Variants in PDZD2 observed in about 807,000 individuals in gnomAD.
PDZD2 encodes PDZ domain-containing protein 2.
In PDZD2, 90 loss-of-function variants were observed where a neutral mutation model predicts 220.7. That is an observed-to-expected ratio of 0.41 (90% CI 0.34 to 0.49). The LOEUF is 0.49. PDZD2 is among the 20% of genes least tolerant of loss of function. The pLI, the probability that PDZD2 is intolerant of heterozygous loss-of-function variation, is 0.28. For synonymous variants in PDZD2, 1,375 were observed against 1,450.5 expected, an observed-to-expected ratio of 0.95 and a Z score of 1.18; for missense variants, 3,174 against 3,608.5, an observed-to-expected ratio of 0.88 and a Z score of 3.08.
chr5:32,072,414 C>G (rs1276651741), intron 17 of PDZD2, 97 bp downstream of exon 17: 3 of 971,244 alleles, frequency 3.1e-6, no homozygotes, highest in South Asian at 3.4e-5. Context: ...TTTAGCTACC[C>G]TGGCGCTGTA....
chr5:31,966,461 C>T (rs1748769828), intron 2 of PDZD2, among the ~76,000 whole-genome samples: 1 of 152,162 alleles, frequency 6.6e-6, no homozygotes, highest in African/African-American at 2.4e-5. Flanking sequence ...AATTAAATCC[C>T]AGTAGATAAA....
rs1392610135 is a variant in PDZD2 at position 32,088,055 on chromosome 5, C to G, written c.4607C>G (p.Ser1536Cys). The G allele has an allele frequency of 1.2e-6, 2 of 1,614,068 alleles. No homozygotes were observed. Among genetic ancestry groups the G allele is most frequent in the African/African-American group, 1.3e-5 (1 of 75,052 alleles). The part of the protein sequence containing the change: ...NFSSFHEDST[S>C]LSGLGDSTEP... ...AGCAGTTTTCATGAAGACAGCACCT[C>G]CCTATCAGGCCTGGGTGACAGCACG... The change falls in exon 20 of 25, where the codon TCC becomes TGC. Residue 1536 changes from serine (S) to cysteine (C), a missense_variant. By Grantham distance (112) the Ser-to-Cys change is moderately radical. Transcript: ENST00000438447. This position sits in a 1 kb window ranked among gnomAD's most constrained non-coding sequence, Gnocchi z 4.6.
chr5:31,976,944 C>A (rs538780740), intron 2 of PDZD2, among the ~76,000 whole-genome samples: 1 of 151,662 alleles, frequency 6.6e-6, no homozygotes, highest in African/African-American at 2.4e-5. Flanking sequence ...TCTCGAACTC[C>A]TGACCCCATG....
chr5:31,834,784 A>C (rs1756848792), intron 2 of PDZD2, among the ~76,000 whole-genome samples: 1 of 152,034 alleles, frequency 6.6e-6, no homozygotes, highest in Non-Finnish European at 1.5e-5. Flanking sequence ...ACCTAATGCA[A>C]ATGACAAGTT....
At chr5:31,757,578 C>T (rs1240860315) in intron 1 of PDZD2, among the ~76,000 whole-genome samples, 7 of 149,840 alleles carry the variant, frequency 4.7e-5, no homozygotes, top group South Asian at 2.1e-4. Flanking sequence ...GGAGACAGAG[C>T]GAGACTCTGC....
chr5:31,804,311 T>C lies in PDZD2; in HGVS notation c.476+4587T>C, dbSNP rs141748305. On this transcript the variant is annotated intron_variant, in intron 2 of 24. Transcript: ENST00000438447. Reference sequence around the variant, plus strand: ...GGTCTTCATGAAAGAGAGCTTGAAATTGAATCAAGTAATGAGGCAAGGAAT... The same window carrying C: ...GGTCTTCATGAAAGAGAGCTTGAAACTGAATCAAGTAATGAGGCAAGGAAT... Among the ~76,000 whole-genome samples the C allele has an allele frequency of 1.9e-4, 29 of 152,260 alleles. No homozygotes were observed. The East Asian group carries it at 5.4e-3, about 28-fold the overall frequency.
chr5:31,972,061 C>A (rs1749346997), intron 2 of PDZD2, among the ~76,000 whole-genome samples: 1 of 152,184 alleles, frequency 6.6e-6, no homozygotes, highest in African/African-American at 2.4e-5. Context: ...ACTCTAACTG[C>A]AGAATTTAAA....
rs556621564 is a variant in PDZD2 at position 32,098,871 on chromosome 5, A to G, written c.8218+237A>G. Among the ~76,000 whole-genome samples the G allele has an allele frequency of 6.6e-6, 1 of 152,340 alleles. No individual in the cohort carries two copies. Among genetic ancestry groups the G allele is most frequent in the African/African-American group, 2.4e-5 (1 of 41,594 alleles). On this transcript the variant is annotated intron_variant, in intron 23 of 24. Coordinates refer to ENST00000438447, the MANE Select transcript of PDZD2 (RefSeq NM_178140.4). This position sits in a 1 kb window ranked among gnomAD's most constrained non-coding sequence, Gnocchi z 4.1. The stretch of plus-strand genomic sequence containing the variant: ...TCAAGCTGTACTGTGGAAGATTTAA[A>G]ATGACTGCAGAACAGTTTCCCTAAG...
intron 1 of PDZD2, among the ~76,000 whole-genome samples, chr5:31,769,923 G>A (rs1309605656): frequency 6.6e-6 from 1 of 152,142 alleles, no homozygotes. Context: ...TCTTGTGCTA[G>A]GTCAAAGTGT....
intron 7 of PDZD2, among the ~76,000 whole-genome samples, chr5:32,039,549 G>A (rs375421859): frequency 1.3e-4 from 20 of 151,976 alleles, no homozygotes; most frequent in Admixed American, 8.5e-4. Context: ...AGTGAGCAGC[G>A]TCTCTGCCTG....
chr5:32,010,104 A>AAAG (rs1216671366), intron 5 of PDZD2, among the ~76,000 whole-genome samples: 10 of 139,436 alleles, frequency 7.2e-5, no homozygotes, highest in Non-Finnish European at 1.4e-4. Context: ...AAAAAAGAAA[A>AAAG]AAAAGAAACA....
chr5:31,847,499 C>T (rs1757651276), intron 2 of PDZD2: 4 of 637,848 alleles, frequency 6.3e-6, no homozygotes, highest in Non-Finnish European at 8.8e-6. Context: ...GTCTGCACAG[C>T]TTATGCACAC....
intron 15 of PDZD2, among the ~76,000 whole-genome samples, chr5:32,069,917 A>G (rs190662098): frequency 1.2e-4 from 18 of 152,332 alleles, no homozygotes; most frequent in Admixed American, 9.8e-4. Context: ...TTGCATGTAT[A>G]TATGCTTGAT....
chr5:31,995,308 C>A (rs573035040), intron 3 of PDZD2, among the ~76,000 whole-genome samples: 1 of 152,184 alleles, frequency 6.6e-6, no homozygotes, highest in Non-Finnish European at 1.5e-5. Context: ...CTAGCCACAT[C>A]GCAAGCACTC....
intron 2 of PDZD2, among the ~76,000 whole-genome samples, chr5:31,899,424 C>T (rs911212268): frequency 7.2e-5 from 11 of 152,104 alleles, no homozygotes; most frequent in African/African-American, 2.2e-4. Context: ...TGAGCCAGTG[C>T]GCCGGGCTGG....
At chr5:32,010,267 C>T (rs543263472) in intron 5 of PDZD2, 63 bp from the exon 6 acceptor site, 55 of 1,271,232 alleles carry the variant, frequency 4.3e-5, no homozygotes, top group Non-Finnish European at 5.8e-5. Context: ...GCCAGGTTGC[C>T]TTCAAGAACT....
intron 1 of PDZD2, among the ~76,000 whole-genome samples, chr5:31,745,260 G>A (rs1750525670): frequency 6.6e-6 from 1 of 151,982 alleles, no homozygotes; most frequent in Non-Finnish European, 1.5e-5. Context: ...TGGACCCAAA[G>A]GGGTATAAAG....
intron 5 of PDZD2, among the ~76,000 whole-genome samples, chr5:32,003,127 ACACACACCACACACACACCACACAC>A (rs201107195): frequency 0.78 from 84,800 of 108,420 alleles, 36,570 homozygotes; most frequent in Non-Finnish European, 0.95. Flanking sequence ...CACGCGCCAC[ACACACACCACACACACACCACACAC>A]CACCAACACA....
intron 2 of PDZD2, among the ~76,000 whole-genome samples, chr5:31,814,694 T>C (rs1755321823): frequency 6.6e-6 from 1 of 151,224 alleles, no homozygotes; most frequent in Non-Finnish European, 1.5e-5. Flanking sequence ...GGTGGGTGCC[T>C]GTAATCCCAG....
Sources: gnomAD v4.1 joint callset for allele counts (sites outside exome capture counted in the v4.1 genomes callset) on GRCh38, gnomAD v4.1.1 for gene constraint, Gnocchi (gnomAD v3.1) non-coding constraint, MANE v1.5 for transcripts, NCBI Gene and HGNC (gene_info 2026-07-23, HGNC 2026-07-21) for gene names.